Variants in RNF2 observed in about 807,000 individuals in gnomAD.
RNF2 encodes the protein ring finger protein 2.
In RNF2, 6 loss-of-function variants were observed where a neutral mutation model predicts 37.2. The ratio of observed to expected loss-of-function variants is 0.16; its 90% CI spans 0.09 to 0.32. The LOEUF is 0.32. RNF2 is among the 10% of genes least tolerant of loss of function. RNF2 has a pLI of 1.00. For missense variants in RNF2, 251 were observed against 404.0 expected (o/e 0.62, Z 3.25); for synonymous variants, 133 against 132.7 (o/e 1.00, Z -0.02).
intron 1 of RNF2, among the ~76,000 whole-genome samples, chr1:185,070,782 GTGCCCGCCACC>G (rs1364148016): frequency 6.6e-6 from 1 of 151,896 alleles, no homozygotes; most frequent in East Asian, 1.9e-4. Flanking sequence ...GGGACTGCAG[GTGCCCGCCACC>G]TCGCCGGCTC....
At chr1:185,084,778 A>G (rs1651531366) in intron 1 of RNF2, among the ~76,000 whole-genome samples, 1 of 152,228 alleles carries the variant, frequency 6.6e-6, no homozygotes, top group African/African-American at 2.4e-5. Flanking sequence ...CAGGAATTCT[A>G]CCAGGAGAAG....
In RNF2 at chr1:185,091,710, A is replaced by T; in HGVS notation, c.219A>T (p.Ala73=). The T allele has an allele frequency of 6.2e-7, 1 of 1,614,156 alleles. No individual in the cohort carries two copies. Residue 73 remains alanine (A), a synonymous_variant, in exon 3 of 7, where the codon GCA becomes GCT. Transcript: ENST00000367510. ...TTKECLHRFC[A]DCIITALRSG... ...AGGAGTGTTTACATCGTTTTTGTGC[A>T]GACTGCATCATCACAGCCCTTAGAA...
At chr1:185,081,810 G>A (rs1168571757) in intron 1 of RNF2, among the ~76,000 whole-genome samples, 3 of 152,158 alleles carry the variant, frequency 2.0e-5, no homozygotes, top group Non-Finnish European at 4.4e-5. Context: ...CGTGGGCATT[G>A]CAGTTTTCGG....
At chr1:185,054,874 A>G (rs1366038376) in intron 1 of RNF2, among the ~76,000 whole-genome samples, 1 of 150,802 alleles carries the variant, frequency 6.6e-6, no homozygotes, top group African/African-American at 2.4e-5. Flanking sequence ...TTTTTTTTCT[A>G]TTTTTGGTGG....
At chr1:185,073,504 T>C (rs1327837296) in intron 1 of RNF2, among the ~76,000 whole-genome samples, 2 of 152,220 alleles carry the variant, frequency 1.3e-5, no homozygotes, top group Non-Finnish European at 2.9e-5. Flanking sequence ...TAGTGTATTC[T>C]CTTTCATTGG....
At chr1:185,085,842 C>T (rs565677866) in intron 1 of RNF2, among the ~76,000 whole-genome samples, 24 of 151,906 alleles carry the variant, frequency 1.6e-4, no homozygotes, top group African/African-American at 5.1e-4. Context: ...TTAGTAGAGA[C>T]GGTTTCACCA....
chr1:185,050,682 G>T (rs769923336), intron 1 of RNF2, among the ~76,000 whole-genome samples: 2 of 152,168 alleles, frequency 1.3e-5, no homozygotes, highest in Non-Finnish European at 2.9e-5. Context: ...TTTGGGTAAA[G>T]TGTTACTTGA....
At chr1:185,069,992 G>A (rs186902112) in intron 1 of RNF2, among the ~76,000 whole-genome samples, 177 of 152,214 alleles carry the variant, frequency 1.2e-3, no homozygotes, top group African/African-American at 4.0e-3. Context: ...AGTACTTTCA[G>A]TATTTTCTTC....
intron 1 of RNF2, among the ~76,000 whole-genome samples, chr1:185,083,678 C>T (rs889375655): frequency 1.3e-5 from 2 of 152,006 alleles, no homozygotes; most frequent in East Asian, 3.9e-4. Flanking sequence ...CAGTCTGTTG[C>T]CCAGGCTGGA....
At chr1:185,064,084 C>T (rs1650727580) in intron 1 of RNF2, among the ~76,000 whole-genome samples, 1 of 152,216 alleles carries the variant, frequency 6.6e-6, no homozygotes, top group Non-Finnish European at 1.5e-5. Context: ...CTATTATTCA[C>T]ACTGCCATAG....
chr1:185,085,526 CAT>C (rs986926322), intron 1 of RNF2, among the ~76,000 whole-genome samples: 3 of 152,202 alleles, frequency 2.0e-5, no homozygotes, highest in Non-Finnish European at 4.4e-5. Flanking sequence ...CTTTAGTTCA[CAT>C]AGTTAATATC....
rs572814985 is a variant in RNF2, at chr1:185,090,062, C to T, written c.88-1517C>T. ...TCAGCCTCCCAAGTAGCTGGGATTA[C>T]AGGCGTGTGCCACCATGCCCGGCTA... On this transcript the variant is annotated intron_variant, in intron 2 of 6. Coordinates refer to ENST00000367510, the MANE Select transcript of RNF2 (RefSeq NM_007212.4). 2.0e-5 allele frequency among the ~76,000 whole-genome samples: 3 copies of T among 152,166 alleles called. No homozygotes were observed. The South Asian group carries it at 6.2e-4, about 32-fold the overall frequency.
chr1:185,063,859 A>G (rs993911931), intron 1 of RNF2, among the ~76,000 whole-genome samples: 2 of 152,132 alleles, frequency 1.3e-5, no homozygotes, highest in African/African-American at 2.4e-5. Context: ...ACCCTGGCCT[A>G]CTTCATCACA....
chr1:185,091,878 C>T (rs1025426573), intron 3 of RNF2, 139 bp downstream of exon 3: 23 of 757,126 alleles, frequency 3.0e-5, no homozygotes, highest in African/African-American at 5.3e-5. Context: ...TGCAATGGCA[C>T]GATCTTGGCT....
At chr1:185,097,821 C>A (rs1417483575) in intron 4 of RNF2, among the ~76,000 whole-genome samples, 1 of 152,218 alleles carries the variant, frequency 6.6e-6, no homozygotes, top group Non-Finnish European at 1.5e-5. Flanking sequence ...AGGTGTGAAC[C>A]ACCGTGCCTG....
At chr1:185,092,858 G>A (rs1408414380) in intron 3 of RNF2, among the ~76,000 whole-genome samples, 3 of 151,958 alleles carry the variant, frequency 2.0e-5, no homozygotes, top group Non-Finnish European at 4.4e-5. Flanking sequence ...TTCGACGAGT[G>A]GTATAGAGGG....
rs1332399392 is a variant in RNF2 at position 185,101,762 on chromosome 1, T to C, written c.*1461T>C. 1 of 151,680 alleles carries C rather than the reference T, an allele frequency of 6.6e-6. No individual in the cohort carries two copies. Among genetic ancestry groups the C allele is most frequent in the African/African-American group, 2.4e-5 (1 of 41,210 alleles). The allele number at this position is 151,680 out of a possible 1,614,324, so 9.4% of individuals were successfully genotyped here. A position where few individuals can be genotyped will look rare whatever the true frequency, so the allele number is the denominator to read the frequency against. On this transcript the variant is annotated 3_prime_UTR_variant, in exon 7 of 7. Transcript: ENST00000367510. ...GATGTTTTAAATCTTCAGCCCGGTA[T>C]GAAAACTTAAAGGTATATATTCAAT...
chr1:185,055,917 T>A (rs1033916284), intron 1 of RNF2, among the ~76,000 whole-genome samples: 7 of 152,344 alleles, frequency 4.6e-5, no homozygotes, highest in East Asian at 1.9e-4. Context: ...TGCTTTTTTT[T>A]AATGTAGATA....
chr1:185,082,741 C>T (rs1425324221), intron 1 of RNF2, among the ~76,000 whole-genome samples: 1 of 152,174 alleles, frequency 6.6e-6, no homozygotes, highest in Non-Finnish European at 1.5e-5. Context: ...TGCGAGTAGT[C>T]TCCACTGCTT....
Sources: gnomAD v4.1 joint callset for allele counts (sites outside exome capture counted in the v4.1 genomes callset) on GRCh38, gnomAD v4.1.1 for gene constraint, MANE v1.5 for transcripts, NCBI Gene and HGNC (gene_info 2026-07-23, HGNC 2026-07-21) for gene names.